CCDC149: variants seen among roughly 807,000 people sequenced by gnomAD.
The protein encoded by CCDC149 is coiled-coil domain-containing protein 149.
Under a neutral mutation model 59.9 loss-of-function variants are expected in CCDC149, and 45 were observed. That is an observed-to-expected ratio of 0.75 (90% CI 0.59 to 0.96). The LOEUF is 0.96. CCDC149 is among the 40% of genes least tolerant of loss of function. The pLI is 0.00. For synonymous variants in CCDC149, 245 were observed against 260.6 expected (o/e 0.94, Z 0.58); for missense variants, 584 against 664.7 (o/e 0.88, Z 1.33).
chr4:24,968,240 C>T (rs1723860838), intron 1 of CCDC149, among the ~76,000 whole-genome samples: 1 of 152,206 alleles, frequency 6.6e-6, no homozygotes, highest in African/African-American at 2.4e-5. Context: ...TTGGTCCCAA[C>T]TATGGAAGGG....
intron 4 of CCDC149, among the ~76,000 whole-genome samples, chr4:24,848,420 T>C (rs1302774277): frequency 1.3e-5 from 2 of 152,026 alleles, no homozygotes; most frequent in Non-Finnish European, 2.9e-5. Flanking sequence ...ACTACAAAAA[T>C]TAGCTGGGCG....
chr4:24,831,456 G>A (rs771834820), intron 9 of CCDC149, 50 bp downstream of exon 9: 40 of 1,598,674 alleles, frequency 2.5e-5, no homozygotes, highest in South Asian at 3.4e-5. Context: ...TGGTAGCCTC[G>A]TCCCACTTCC....
At chr4:24,879,022 C>G (rs1015293030) in intron 1 of CCDC149, among the ~76,000 whole-genome samples, 1 of 152,306 alleles carries the variant, frequency 6.6e-6, no homozygotes, top group South Asian at 2.1e-4. Context: ...CCCACTGGCC[C>G]GGGATTTGAA....
downstream of CCDC149, among the ~76,000 whole-genome samples, chr4:24,805,524 G>A (rs1649240481): frequency 6.6e-6 from 1 of 152,202 alleles, no homozygotes; most frequent in African/African-American, 2.4e-5. Flanking sequence ...CCCAAGATAT[G>A]ATTCTGTTTT....
intron 1 of CCDC149, among the ~76,000 whole-genome samples, chr4:24,971,588 C>T (rs561025628): frequency 6.6e-6 from 1 of 152,270 alleles, no homozygotes; most frequent in South Asian, 2.1e-4. Flanking sequence ...TCGCTCCTGC[C>T]CAGGGAGAGA....
rs755556552 is a variant in CCDC149, at chr4:24,876,527, A to C, written c.225+9T>G. The C allele has an allele frequency of 6.2e-7, 1 of 1,611,760 alleles. No homozygotes were observed. The highest frequency in any genetic ancestry group is 1.3e-5 in the African/African-American group (1 of 75,006). On this transcript the variant is annotated intron_variant, in intron 2 of 12. Transcript: ENST00000635206. ...GGAAAGTCGCTGAACAGGGCAGCCT[A>C]ACACTTACAATCAGCTCTCGGTACT... is the stretch of plus-strand genomic sequence containing the variant.
At chr4:24,951,048 G>T (rs1260679259) in intron 1 of CCDC149, among the ~76,000 whole-genome samples, 2 of 152,238 alleles carry the variant, frequency 1.3e-5, no homozygotes, top group African/African-American at 4.8e-5. Flanking sequence ...CAAGCTGGGG[G>T]AGTGGGGAAG....
At chr4:24,907,563 C>T (rs774239797) in intron 1 of CCDC149, among the ~76,000 whole-genome samples, 52 of 152,122 alleles carry the variant, frequency 3.4e-4, no homozygotes, top group Admixed American at 2.4e-3. Flanking sequence ...TCTGTCTTCC[C>T]CTCTGGACTT....
At chr4:24,804,023 G>T (rs999409376), downstream of CCDC149, among the ~76,000 whole-genome samples, 2 of 152,112 alleles carry the variant, frequency 1.3e-5, no homozygotes, top group Admixed American at 6.5e-5. Context: ...TCTCTCTTCA[G>T]GAAGACACCT....
At chr4:24,916,523 G>A (rs911554366), upstream of CCDC149, among the ~76,000 whole-genome samples, 10 of 152,144 alleles carry the variant, frequency 6.6e-5, no homozygotes, top group African/African-American at 1.7e-4. Context: ...AGACACGCGG[G>A]AAAGCCCTAA....
At chr4:24,859,879 C>T (rs567070840) in intron 3 of CCDC149, among the ~76,000 whole-genome samples, 1 of 152,018 alleles carries the variant, frequency 6.6e-6, no homozygotes, top group Non-Finnish European at 1.5e-5. Context: ...TGAAATATGC[C>T]GAACCAAGGA....
At chr4:24,904,465 T>C (rs1721358472) in intron 1 of CCDC149, among the ~76,000 whole-genome samples, 1 of 152,212 alleles carries the variant, frequency 6.6e-6, no homozygotes, top group Non-Finnish European at 1.5e-5. Context: ...AAAAGAAAGT[T>C]ATTCGGTTGT....
chr4:24,898,510 G>A (rs73807037), intron 1 of CCDC149, among the ~76,000 whole-genome samples: 3,701 of 152,278 alleles, frequency 0.024, 152 homozygotes, highest in East Asian at 0.19. Flanking sequence ...CTGGAGGAGA[G>A]ACTAGAAGTG....
intron 1 of CCDC149, among the ~76,000 whole-genome samples, chr4:24,978,316 T>G (rs566725544): frequency 2.3e-4 from 35 of 152,300 alleles, no homozygotes; most frequent in Non-Finnish European, 4.7e-4. Flanking sequence ...TTAATAATTT[T>G]TATATTAATT....
intron 1 of CCDC149, among the ~76,000 whole-genome samples, chr4:24,951,814 G>T (rs1402380727): frequency 6.6e-6 from 1 of 152,146 alleles, no homozygotes; most frequent in Non-Finnish European, 1.5e-5. Context: ...TCGAGGGGCA[G>T]GAATTATTAT....
At chr4:24,842,230 A>C (rs988222151) in intron 4 of CCDC149, among the ~76,000 whole-genome samples, 6 of 152,190 alleles carry the variant, frequency 3.9e-5, no homozygotes, top group African/African-American at 1.4e-4. Flanking sequence ...TAATGTGTTT[A>C]ATAAGTAAAT....
intron 1 of CCDC149, among the ~76,000 whole-genome samples, chr4:24,907,047 A>C (rs1286111179): frequency 6.6e-6 from 1 of 152,226 alleles, no homozygotes; most frequent in Non-Finnish European, 1.5e-5. Context: ...GTGTGGCTTC[A>C]TATGCAGATT....
At chr4:24,885,839 G>T (rs1720141097) in intron 1 of CCDC149, among the ~76,000 whole-genome samples, 2 of 152,162 alleles carry the variant, frequency 1.3e-5, no homozygotes, top group African/African-American at 2.4e-5. Context: ...ACAGAGAAAT[G>T]AAATTAGTAT....
chr4:24,912,367 G>A (rs962230987), intron 1 of CCDC149, among the ~76,000 whole-genome samples: 3 of 152,040 alleles, frequency 2.0e-5, no homozygotes, highest in Non-Finnish European at 4.4e-5. Context: ...CCCCCAACTC[G>A]AACCACCGCC....
Sources: gnomAD v4.1 joint callset for allele counts (sites outside exome capture counted in the v4.1 genomes callset) on GRCh38, gnomAD v4.1.1 for gene constraint, MANE v1.5 for transcripts, NCBI Gene and HGNC (gene_info 2026-07-23, HGNC 2026-07-21) for gene names.